Variants in ROBO1 observed in about 807,000 individuals in gnomAD.
ROBO1 encodes roundabout homolog 1.
A neutral mutation model predicts 195.9 loss-of-function variants in ROBO1; 149 were observed. The observed-to-expected ratio is 0.76, with a 90% CI of 0.67 to 0.87. The LOEUF (loss-of-function observed/expected upper bound fraction) is 0.87. Among genes scored for constraint, ROBO1 ranks in the 40% least tolerant of loss-of-function variants. The pLI is 0.00. For missense variants in ROBO1, 1,933 were observed against 2,068.3 expected (o/e 0.93, Z 1.27); for synonymous variants, 816 against 733.2 (o/e 1.11, Z -1.82).
chr3:79,298,411 A>G (rs2109050280), intron 2 of ROBO1, among the ~76,000 whole-genome samples: 1 of 152,216 alleles, frequency 6.6e-6, no homozygotes, highest in African/African-American at 2.4e-5. Flanking sequence ...AGATGATAAT[A>G]TGCCTCCCCT....
chr3:78,899,808 AC>A (rs2037475742), intron 4 of ROBO1, among the ~76,000 whole-genome samples: 2 of 152,216 alleles, frequency 1.3e-5, no homozygotes, highest in South Asian at 4.1e-4. Context: ...CCTAAAAAAA[AC>A]AACACATCCT....
chr3:79,527,949 A>G (rs1941501035), intron 2 of ROBO1: 2 of 152,304 alleles, frequency 1.3e-5, no homozygotes, highest in South Asian at 2.1e-4. Context: ...GGGCCCCTCT[A>G]CAAGGTGTGT....
At chr3:78,800,396 A>AG (rs1247245252) in intron 4 of ROBO1, among the ~76,000 whole-genome samples, 2 of 152,174 alleles carry the variant, frequency 1.3e-5, no homozygotes, top group Non-Finnish European at 2.9e-5. Context: ...AACAATTTTA[A>AG]TGTGTATGCT....
At chr3:79,421,171 T>A (rs1029232245) in intron 2 of ROBO1, among the ~76,000 whole-genome samples, 1 of 152,010 alleles carries the variant, frequency 6.6e-6, no homozygotes, top group Non-Finnish European at 1.5e-5. Context: ...AGCTTTACAC[T>A]GAGTACATAT....
rs111920947 is a variant in ROBO1 at position 78,873,186 on chromosome 3, T to C, written c.499+65415A>G. On this transcript the variant is annotated intron_variant, in intron 4 of 30. Coordinates refer to ENST00000464233, the MANE Select transcript of ROBO1 (RefSeq NM_002941.4). ...TATATATTAAAGGGTTATGTTTAAG[T>C]CTCTAAATCAGTCAGCCTCTCTCTA... 5.1e-3 allele frequency among the ~76,000 whole-genome samples: 782 copies of C among 152,276 alleles called. 16 individuals carry two copies. The highest frequency in any genetic ancestry group is 0.017 in the African/African-American group (688 of 41,580).
intron 1 of ROBO1, among the ~76,000 whole-genome samples, chr3:79,684,758 C>T (rs1362493813): frequency 6.6e-6 from 1 of 152,040 alleles, no homozygotes; most frequent in Non-Finnish European, 1.5e-5. Flanking sequence ...TCCCTGCAAC[C>T]TCTGCCTCCC....
At chr3:79,363,772 T>G (rs1019407730) in intron 2 of ROBO1, among the ~76,000 whole-genome samples, 2 of 152,190 alleles carry the variant, frequency 1.3e-5, no homozygotes, top group Admixed American at 1.3e-4. Flanking sequence ...ACATTTACTT[T>G]CATATTCCTT....
chr3:78,848,931 C>T (rs963158858), intron 4 of ROBO1, among the ~76,000 whole-genome samples: 2 of 151,968 alleles, frequency 1.3e-5, no homozygotes, highest in African/African-American at 4.8e-5. Flanking sequence ...GATGGTGGCT[C>T]GGTCTACCAT....
intron 2 of ROBO1, among the ~76,000 whole-genome samples, chr3:79,538,496 T>A (rs1207904745): frequency 6.6e-6 from 1 of 152,122 alleles, no homozygotes; most frequent in Non-Finnish European, 1.5e-5. Flanking sequence ...CCCCAAATAT[T>A]GGGTTGTGTC....
At chr3:78,872,456 G>T (rs1254169887) in intron 4 of ROBO1, among the ~76,000 whole-genome samples, 2 of 152,150 alleles carry the variant, frequency 1.3e-5, no homozygotes, top group Non-Finnish European at 2.9e-5. Context: ...AATCTATTCT[G>T]GAATCCTAAC....
chr3:78,798,305 C>T (rs1271317906), intron 4 of ROBO1, among the ~76,000 whole-genome samples: 1 of 152,156 alleles, frequency 6.6e-6, no homozygotes, highest in African/African-American at 2.4e-5. Context: ...TTAATAAGCC[C>T]TGCATATAAT....
chr3:78,837,965 T>C (rs758290270), intron 4 of ROBO1, among the ~76,000 whole-genome samples: 8 of 152,220 alleles, frequency 5.3e-5, no homozygotes, highest in Non-Finnish European at 8.8e-5. Context: ...TCCAATTAAA[T>C]GCCAACATTT....
In ROBO1 at chr3:78,833,731, G is replaced by T. The variant is rs555498023; in HGVS notation, c.500-86831C>A. ...TTTACCTATGATTTAGGTGCTTATG[G>T]TAAATAAAGGTGGAAATGACCAATA... On this transcript the variant is annotated intron_variant, in intron 4 of 30. Transcript: ENST00000464233. Among the ~76,000 whole-genome samples the T allele has an allele frequency of 2.0e-5, 3 of 152,150 alleles. No individual in the cohort carries two copies. The South Asian group carries it at 6.2e-4, about 32-fold the overall frequency.
chr3:79,580,983 A>G (rs1303670266), intron 2 of ROBO1, among the ~76,000 whole-genome samples: 1 of 152,208 alleles, frequency 6.6e-6, no homozygotes, highest in Non-Finnish European at 1.5e-5. Context: ...AGGCTTGTTT[A>G]TATAACAAAG....
chr3:78,643,961 T>C (rs2107582259), intron 21 of ROBO1, among the ~76,000 whole-genome samples: 1 of 152,216 alleles, frequency 6.6e-6, no homozygotes, highest in Admixed American at 6.6e-5. Flanking sequence ...TGGAAGGTTT[T>C]GGCTTTGGTG....
chr3:79,746,319 A>G (rs1327448858), intron 1 of ROBO1, among the ~76,000 whole-genome samples: 10 of 152,064 alleles, frequency 6.6e-5, no homozygotes, highest in Non-Finnish European at 1.3e-4. Context: ...TAGAAGAAAA[A>G]AGAAATCGCC....
chr3:79,083,696 C>G (rs993472405), intron 3 of ROBO1, among the ~76,000 whole-genome samples: 2 of 152,106 alleles, frequency 1.3e-5, no homozygotes, highest in African/African-American at 4.8e-5. Context: ...CAATCAAGGG[C>G]AAAGTAATCT....
intron 2 of ROBO1, among the ~76,000 whole-genome samples, chr3:79,469,501 G>T (rs1938151037): frequency 1.3e-5 from 2 of 152,100 alleles, no homozygotes; most frequent in African/African-American, 4.8e-5. Context: ...AAATTAAGAA[G>T]AAATGTAGGT....
At chr3:78,636,935 T>TATATATA (rs1049019413) in intron 22 of ROBO1, among the ~76,000 whole-genome samples, 1 of 96,704 alleles carries the variant, frequency 1.0e-5, no homozygotes, top group Non-Finnish European at 2.1e-5. Flanking sequence ...TACATTCATT[T>TATATATA]TATATATATA....
Sources: gnomAD v4.1 joint callset for allele counts (sites outside exome capture counted in the v4.1 genomes callset) on GRCh38, gnomAD v4.1.1 for gene constraint, MANE v1.5 for transcripts, NCBI Gene and HGNC (gene_info 2026-07-23, HGNC 2026-07-21) for gene names.